The following KDM5A variants were observed in gnomAD, a reference collection of about 807,000 sequenced individuals.
KDM5A encodes the protein lysine demethylase 5A.
A neutral mutation model predicts 193.5 loss-of-function variants in KDM5A; 42 were observed. The observed-to-expected ratio is 0.22, with a 90% confidence interval of 0.17 to 0.28. The LOEUF (loss-of-function observed/expected upper bound fraction) is 0.28. Ranked by LOEUF, KDM5A falls within the 10% of genes least tolerant of loss-of-function variation. The pLI is 1.00. For missense variants in KDM5A, 1,692 were observed against 2,055.1 expected, an observed-to-expected ratio of 0.82 and a Z score of 3.42; for synonymous variants, 796 against 718.1, an observed-to-expected ratio of 1.11 and a Z score of -1.73.
Position 326,584 on chromosome 12 carries a change from G to A in KDM5A, c.1968+2251C>T, listed in dbSNP as rs567493260. ...AGAAAGAAACCACTGGATTTTGGCCGGGCACGGCGGCTCACGCCTGTAATC... is the reference window on the plus strand; with the variant it reads ...AGAAAGAAACCACTGGATTTTGGCCAGGCACGGCGGCTCACGCCTGTAATC... On this transcript the variant is annotated intron_variant, in intron 14 of 27. Coordinates refer to ENST00000399788, the MANE Select transcript of KDM5A (RefSeq NM_001042603.3). Among the ~76,000 whole-genome samples the A allele has an allele frequency of 3.0e-3, 464 of 152,292 alleles. 3 individuals are homozygous for A. Among genetic ancestry groups the A allele is most frequent in the African/African-American group, 0.011 (442 of 41,564 alleles).
intron 8 of KDM5A, 77 bp from the exon 9 acceptor site, chr12:352,401 T>A: frequency 7.6e-7 from 1 of 1,316,092 alleles, no homozygotes; most frequent in Non-Finnish European, 1.1e-6. Flanking sequence ...GTTACTAAAT[T>A]CTTTGATCAT....
chr12:333,402 G>A (rs973015209), intron 12 of KDM5A, 85 bp downstream of exon 12: 164 of 1,481,582 alleles, frequency 1.1e-4, no homozygotes, highest in Middle Eastern at 6.8e-4. Flanking sequence ...CTGGGCAACA[G>A]AGCAAGACCC....
chr12:354,538 T>C (rs1371907124), intron 7 of KDM5A, among the ~76,000 whole-genome samples: 1 of 152,084 alleles, frequency 6.6e-6, no homozygotes, highest in Non-Finnish European at 1.5e-5. Context: ...GGAGCCACAG[T>C]GGGCAGATCA....
intron 10 of KDM5A, among the ~76,000 whole-genome samples, chr12:344,924 C>T (rs1944050960): frequency 6.6e-6 from 1 of 152,130 alleles, no homozygotes; most frequent in Non-Finnish European, 1.5e-5. Flanking sequence ...CAACATTAAC[C>T]TTAAATGTAA....
intron 19 of KDM5A, among the ~76,000 whole-genome samples, chr12:315,849 C>A (rs1239788723): frequency 6.6e-6 from 1 of 152,166 alleles, no homozygotes; most frequent in African/African-American, 2.4e-5. Context: ...CAGGGACTTT[C>A]AGGTATCTGT....
Position 307,450 on chromosome 12 carries a change from T to C in KDM5A, c.3930+4A>G, listed in dbSNP as rs745497836. On this transcript the variant is annotated splice_donor_region_variant and intron_variant, in intron 23 of 27. Coordinates refer to ENST00000399788, the MANE Select transcript of KDM5A (RefSeq NM_001042603.3). The surrounding 1 kb of genome is among the most constrained non-coding windows in gnomAD (Gnocchi z 4.3). ...TAGAAAAAGAATGTAAATCCTAAAC[T>C]TGCCTGTAAGTCTGGATTGGCAGCT... The C allele has an allele frequency of 3.7e-5, 59 of 1,612,526 alleles. No individual in the cohort carries two copies. In the Middle Eastern group the frequency reaches 8.2e-4, roughly 22 times the overall value.
chr12:316,284 T>TTC (rs377514603), intron 19 of KDM5A, among the ~76,000 whole-genome samples: 11 of 151,496 alleles, frequency 7.3e-5, no homozygotes, highest in Admixed American at 2.0e-4. Flanking sequence ...ATTCATTTAT[T>TTC]TCTCTCTCTC....
At chr12:321,521 C>T (rs1943717243) in intron 17 of KDM5A, among the ~76,000 whole-genome samples, 1 of 152,164 alleles carries the variant, frequency 6.6e-6, no homozygotes, top group Admixed American at 6.5e-5. Context: ...TAAACTTTTA[C>T]TAGTTTCTCC....
chr12:320,713 T>C (rs559101385), intron 18 of KDM5A, among the ~76,000 whole-genome samples: 9 of 152,296 alleles, frequency 5.9e-5, no homozygotes, highest in Admixed American at 1.3e-4. Context: ...AACTAACTTC[T>C]TGCATTTCAA....
intron 5 of KDM5A, among the ~76,000 whole-genome samples, chr12:357,158 G>A (rs1371965039): frequency 6.6e-6 from 1 of 151,786 alleles, no homozygotes; most frequent in Non-Finnish European, 1.5e-5. Flanking sequence ...GTGTGCATCT[G>A]TAGTCCCAGC....
chr12:378,958 C>CAAAA (rs11364846), intron 3 of KDM5A, among the ~76,000 whole-genome samples: 1 of 106,216 alleles, frequency 9.4e-6, no homozygotes, highest in African/African-American at 3.5e-5. Flanking sequence ...GACTCCATCT[C>CAAAA]AAAAAAAAAA....
intron 27 of KDM5A, among the ~76,000 whole-genome samples, chr12:287,175 T>C (rs1943228820): frequency 6.6e-6 from 1 of 152,198 alleles, no homozygotes; most frequent in African/African-American, 2.4e-5. Flanking sequence ...GCACTGCTTT[T>C]CAAAGTGTGT....
In KDM5A at chr12:281,994, C is replaced by T. The variant is rs1565519762; in HGVS notation, c.*3462G>A. On this transcript the variant is annotated 3_prime_UTR_variant, in exon 28 of 28. Transcript: ENST00000399788. ...CCTTACAGCTCAGCCTGCACAGAAGCGCAGAAGCAAAGCCCAGGCAGAACC... is the reference window on the plus strand; with the variant it reads ...CCTTACAGCTCAGCCTGCACAGAAGTGCAGAAGCAAAGCCCAGGCAGAACC... The T allele has an allele frequency of 1.0e-5, 3 of 286,116 alleles. No individual in the cohort carries two copies. The highest frequency in any genetic ancestry group is 5.9e-5 in the East Asian group (1 of 17,066). The allele number at this position is 286,116 out of a possible 1,614,324, so 17.7% of individuals were successfully genotyped here. A position where few individuals can be genotyped will look rare whatever the true frequency, so the allele number is the denominator to read the frequency against.
intron 12 of KDM5A, among the ~76,000 whole-genome samples, chr12:332,206 G>C (rs1348662287): frequency 2.0e-5 from 3 of 152,108 alleles, no homozygotes; most frequent in African/African-American, 4.8e-5. Flanking sequence ...CGAGCTACGA[G>C]TTTCTTAAAC....
intron 24 of KDM5A, 123 bp downstream of exon 24, chr12:306,823 A>G: frequency 1.0e-6 from 1 of 979,432 alleles, no homozygotes; most frequent in Admixed American, 1.8e-5. Context: ...AACTCAGAAC[A>G]GATAAATGAT....
intron 13 of KDM5A, among the ~76,000 whole-genome samples, chr12:329,733 TTAAAA>T (rs1261723390): frequency 6.6e-6 from 1 of 152,154 alleles, no homozygotes; most frequent in Non-Finnish European, 1.5e-5. Context: ...GTTACAGTCT[TTAAAA>T]TAAATTTTGA....
chr12:389,044 C>T lies in KDM5A; in HGVS notation c.48G>A (p.Pro16=), dbSNP rs1343685393. 4 of 1,393,356 alleles carry T rather than the reference C, an allele frequency of 2.9e-6. No homozygotes were observed. Among genetic ancestry groups the T allele is most frequent in the East Asian group, 6.8e-5 (2 of 29,536 alleles). 86.3% of individuals were successfully genotyped at this position (1,393,356 alleles called of 1,614,324 possible). ...PGGYAAEFVP[P]PECPVFEPSW... is the part of the protein sequence containing the mutation. Reference sequence around the variant, plus strand: ...TCGGCTCAAAGACGGGGCACTCTGGCGGTGGCACGAACTCCGCCGCGTAGC... The same window carrying T: ...TCGGCTCAAAGACGGGGCACTCTGGTGGTGGCACGAACTCCGCCGCGTAGC... The change falls in exon 1 of 28, where the codon CCG becomes CCA. Residue 16 remains proline, a synonymous_variant. Coordinates refer to ENST00000399788, the MANE Select transcript of KDM5A (RefSeq NM_001042603.3).
At chr12:327,269 C>T (rs1233327080) in intron 14 of KDM5A, among the ~76,000 whole-genome samples, 1 of 152,194 alleles carries the variant, frequency 6.6e-6, no homozygotes, top group Non-Finnish European at 1.5e-5. Context: ...CAGGTTAAAT[C>T]TGAAATACTG....
intron 5 of KDM5A, among the ~76,000 whole-genome samples, chr12:361,234 G>A (rs563244949): frequency 6.6e-6 from 1 of 151,336 alleles, no homozygotes; most frequent in Non-Finnish European, 1.5e-5. Context: ...TTGCTCTGTC[G>A]CCCAGACTGG....
Sources: gnomAD v4.1 joint callset for allele counts (sites outside exome capture counted in the v4.1 genomes callset) on GRCh38, gnomAD v4.1.1 for gene constraint, Gnocchi (gnomAD v3.1) non-coding constraint, MANE v1.5 for transcripts, NCBI Gene and HGNC (gene_info 2026-07-23, HGNC 2026-07-21) for gene names.